DUSP16: variants seen among roughly 807,000 people sequenced by gnomAD.
The protein encoded by DUSP16 is dual specificity protein phosphatase 16.
In DUSP16, 21 loss-of-function variants were observed where a neutral mutation model predicts 58.3. The observed-to-expected ratio is 0.36, with a 90% confidence interval of 0.26 to 0.52. The LOEUF (loss-of-function observed/expected upper bound fraction) is 0.52. Ranked by LOEUF, DUSP16 falls within the 20% of genes least tolerant of loss-of-function variation. The probability of loss-of-function intolerance (pLI) is 0.94; values close to 1 mark genes in which losing one functional copy is unlikely to be tolerated. For synonymous variants in DUSP16, 320 were observed against 323.8 expected, an observed-to-expected ratio of 0.99 and a Z score of 0.12; for missense variants, 726 against 819.0, an observed-to-expected ratio of 0.89 and a Z score of 1.39.
intron 1 of DUSP16, among the ~76,000 whole-genome samples, chr12:12,531,885 G>A (rs1029747736): frequency 1.6e-4 from 24 of 151,864 alleles, no homozygotes; most frequent in African/African-American, 5.3e-4. Context: ...AAGGCCGGGC[G>A]CGGTGGCTCA....
intron 1 of DUSP16, among the ~76,000 whole-genome samples, chr12:12,535,335 G>T (rs1476838940): frequency 6.6e-6 from 1 of 152,186 alleles, no homozygotes; most frequent in Non-Finnish European, 1.5e-5. Flanking sequence ...ATATCAATGA[G>T]TCTAAGGGGA....
chr12:12,542,711 C>T (rs1378599942), intron 1 of DUSP16, among the ~76,000 whole-genome samples: 1 of 152,110 alleles, frequency 6.6e-6, no homozygotes, highest in Non-Finnish European at 1.5e-5. Flanking sequence ...AAAGGGCAGG[C>T]AGGCCAAGGC....
At chr12:12,534,924 A>G (rs1944444033) in intron 1 of DUSP16, among the ~76,000 whole-genome samples, 1 of 152,250 alleles carries the variant, frequency 6.6e-6, no homozygotes, top group Non-Finnish European at 1.5e-5. Flanking sequence ...CATTTATATT[A>G]GCCCTTAAAT....
At chr12:12,512,409 G>A (rs1469462161) in intron 3 of DUSP16, among the ~76,000 whole-genome samples, 1 of 152,210 alleles carries the variant, frequency 6.6e-6, no homozygotes, top group East Asian at 1.9e-4. Flanking sequence ...TAGTCACCAT[G>A]CTGTACAATA....
At chr12:12,488,527 C>A (rs1157497261) in intron 4 of DUSP16, among the ~76,000 whole-genome samples, 2 of 152,162 alleles carry the variant, frequency 1.3e-5, no homozygotes, top group East Asian at 3.8e-4. Context: ...AGCAGGCAAG[C>A]CCACACAAAC....
chr12:12,476,807 T>C lies in DUSP16; in HGVS notation c.*26A>G. 2 of 1,540,348 alleles carry C rather than the reference T, an allele frequency of 1.3e-6. No individual in the cohort carries two copies. The highest frequency in any genetic ancestry group is 1.7e-6 in the Non-Finnish European group (2 of 1,151,922). On this transcript the variant is annotated 3_prime_UTR_variant, in exon 7 of 7. Coordinates refer to ENST00000298573, the MANE Select transcript of DUSP16 (RefSeq NM_030640.3). ...TTGTGAACAAGAAAAAAAAATTGTC[T>C]ATAGAAGTCACAAGTGTCTTTCTTC...
chr12:12,517,583 T>C (rs1052666924), intron 3 of DUSP16, among the ~76,000 whole-genome samples: 1 of 152,176 alleles, frequency 6.6e-6, no homozygotes, highest in Non-Finnish European at 1.5e-5. Context: ...CTACCTACCC[T>C]GACGAAAAAA....
chr12:12,547,285 CG>C (rs1460805017), intron 1 of DUSP16, among the ~76,000 whole-genome samples: 1 of 151,586 alleles, frequency 6.6e-6, no homozygotes, highest in Non-Finnish European at 1.5e-5. Flanking sequence ...AAAAATTAGC[CG>C]GGCGTGGTGG....
intron 3 of DUSP16, among the ~76,000 whole-genome samples, chr12:12,504,709 A>AAG (rs1417974342): frequency 0.061 from 8,373 of 137,622 alleles, 323 homozygotes; most frequent in Middle Eastern, 0.084. Context: ...AAAAAAAAAA[A>AAG]AAAGAAAGAA....
At chr12:12,553,899 A>G (rs117414486) in intron 1 of DUSP16, among the ~76,000 whole-genome samples, 1 of 152,292 alleles carries the variant, frequency 6.6e-6, no homozygotes, top group Non-Finnish European at 1.5e-5. Context: ...CAGAACTTAT[A>G]GAAAATGTCA....
intron 4 of DUSP16, among the ~76,000 whole-genome samples, chr12:12,492,638 C>A (rs973530022): frequency 6.6e-6 from 1 of 151,978 alleles, no homozygotes; most frequent in Non-Finnish European, 1.5e-5. Flanking sequence ...CAGCCATTAC[C>A]CCATATCTTT....
At chr12:12,501,180 A>T (rs1943904452) in intron 3 of DUSP16, among the ~76,000 whole-genome samples, 1 of 152,206 alleles carries the variant, frequency 6.6e-6, no homozygotes, top group Non-Finnish European at 1.5e-5. Flanking sequence ...TTTTTACTGC[A>T]AAGGTATCAC....
At chr12:12,529,298 C>CG (rs1555167914) in intron 1 of DUSP16, among the ~76,000 whole-genome samples, 2 of 151,744 alleles carry the variant, frequency 1.3e-5, no homozygotes, top group Non-Finnish European at 2.9e-5. Context: ...CTTGTAGAGA[C>CG]GGGGTCTCAC....
rs1219013449 is a variant in DUSP16 at position 12,477,967 on chromosome 12, C to T, written c.864G>A (p.Leu288=). The change falls in exon 7 of 7, where the codon CTG becomes CTA. Residue 288 remains leucine, a synonymous_variant. Coordinates refer to ENST00000298573, the MANE Select transcript of DUSP16 (RefSeq NM_030640.3). This position sits in a 1 kb window ranked among gnomAD's most constrained non-coding sequence, Gnocchi z 4.1. ...TCTTCTCATAGTCCAGGAGTTGGCC[C>T]AGAAAATTGAAGTTTGGAGATATAG... The part of the protein sequence containing the change: ...RPTISPNFNF[L]GQLLDYEKKI... 1.9e-6 allele frequency: 3 copies of T among 1,609,644 alleles called. No individual in the cohort carries two copies. The highest frequency in any genetic ancestry group is 2.5e-6 in the Non-Finnish European group (3 of 1,177,396).
chr12:12,479,664 G>A (rs551174055), intron 6 of DUSP16, among the ~76,000 whole-genome samples: 16 of 152,204 alleles, frequency 1.1e-4, no homozygotes, highest in Non-Finnish European at 2.1e-4. Context: ...TCTACCCAAC[G>A]ATACATGCAG....
intron 1 of DUSP16, among the ~76,000 whole-genome samples, chr12:12,556,245 C>T (rs1032998366): frequency 1.3e-5 from 2 of 151,894 alleles, no homozygotes; most frequent in African/African-American, 4.8e-5. Flanking sequence ...TTTTAAAATC[C>T]TTTACCTCAA....
chr12:12,559,688 A>G (rs994104905), intron 1 of DUSP16, among the ~76,000 whole-genome samples: 5 of 152,224 alleles, frequency 3.3e-5, no homozygotes, highest in Non-Finnish European at 5.9e-5. Context: ...CTGGACAGCT[A>G]TATAAGTCTG....
chr12:12,479,154 T>C (rs1252429961), intron 6 of DUSP16, among the ~76,000 whole-genome samples: 1 of 152,146 alleles, frequency 6.6e-6, no homozygotes, highest in South Asian at 2.1e-4. Flanking sequence ...TCATGTTTCA[T>C]GGAGGAAATA....
intron 1 of DUSP16, among the ~76,000 whole-genome samples, chr12:12,528,813 C>T (rs991788452): frequency 2.0e-5 from 3 of 151,614 alleles, no homozygotes; most frequent in Non-Finnish European, 2.9e-5. Context: ...TGATAGACGC[C>T]GATAAGAACT....
Sources: gnomAD v4.1 joint callset for allele counts (sites outside exome capture counted in the v4.1 genomes callset) on GRCh38, gnomAD v4.1.1 for gene constraint, Gnocchi (gnomAD v3.1) non-coding constraint, MANE v1.5 for transcripts, NCBI Gene and HGNC (gene_info 2026-07-23, HGNC 2026-07-21) for gene names.